The following COL7A1 variants were observed in gnomAD, a reference collection of about 807,000 sequenced individuals.
The protein encoded by COL7A1 is collagen alpha-1(VII) chain.
A neutral mutation model predicts 456.2 loss-of-function variants in COL7A1; 296 were observed. That is an observed-to-expected ratio of 0.65 (90% CI 0.59 to 0.71). The LOEUF is 0.71. Among genes scored for constraint, COL7A1 ranks in the 30% least tolerant of loss-of-function variants. The pLI is 0.00. For missense variants in COL7A1, 3,441 were observed against 4,017.2 expected, an observed-to-expected ratio of 0.86 and a Z score of 3.88; for synonymous variants, 1,464 against 1,525.9, an observed-to-expected ratio of 0.96 and a Z score of 0.95.
chr3:48,590,898 AGAGT>A lies in COL7A1; in HGVS notation c.1637-86_1637-83del. On this transcript the variant is annotated intron_variant, in intron 13 of 118. Transcript: ENST00000681320. This position sits in a 1 kb window ranked among gnomAD's most constrained non-coding sequence, Gnocchi z 4.6. ...CGATGGCAGTGATGGACAGGGACGC[AGAGT>A]GAGAAGGGCCATGGGGGTGGGGATG... 1.8e-6 allele frequency: 2 copies of A among 1,088,308 alleles called. No individual in the cohort carries two copies. Among genetic ancestry groups the A allele is most frequent in the Non-Finnish European group, 2.6e-6 (2 of 765,876 alleles). 67.4% of individuals were successfully genotyped at this position (1,088,308 alleles called of 1,614,324 possible).
Position 48,568,609 on chromosome 3 carries a change from C to G in COL7A1, c.7759-75G>C. On this transcript the variant is annotated intron_variant, in intron 104 of 118. Transcript: ENST00000681320. The surrounding 1 kb of genome is among the most constrained non-coding windows in gnomAD (Gnocchi z 5.2). ...CTGGCCCATCCGCTGCATGTGTGGC[C>G]ACTCAGATGCTCAGCGGCCAGGGCC... The G allele has an allele frequency of 6.5e-6, 10 of 1,537,636 alleles. No individual in the cohort carries two copies. Among genetic ancestry groups the G allele is most frequent in the Non-Finnish European group, 8.0e-6 (9 of 1,128,964 alleles).
In COL7A1 at chr3:48,588,848, G is replaced by A. The variant is rs778845814; in HGVS notation, c.2440+22C>T. 6.2e-6 allele frequency: 10 copies of A among 1,613,482 alleles called. No homozygotes were observed. Among genetic ancestry groups the A allele is most frequent in the Non-Finnish European group, 8.5e-6 (10 of 1,180,042 alleles). ...GAGCAGTCCCAGCCAGGAAGGACAGGGGTGGCGTCAGGGAGCCATACCTTC... is the reference window on the plus strand; with the variant it reads ...GAGCAGTCCCAGCCAGGAAGGACAGAGGTGGCGTCAGGGAGCCATACCTTC... On this transcript the variant is annotated intron_variant, in intron 19 of 118. Transcript: ENST00000681320. The surrounding 1 kb of genome is among the most constrained non-coding windows in gnomAD (Gnocchi z 4.6).
chr3:48,570,727 G>T lies in COL7A1; in HGVS notation c.7273-17C>A. The stretch of plus-strand genomic sequence containing the variant: ...TGCCAGACCCTACCAGAAAAATGGG[G>T]CAAGAGAGGCAGAGAGTGACTTGGG... On this transcript the variant is annotated splice_polypyrimidine_tract_variant and intron_variant, in intron 95 of 118. Transcript: ENST00000681320. The surrounding 1 kb of genome is among the most constrained non-coding windows in gnomAD (Gnocchi z 5.5). 1 of 1,567,630 alleles carries T rather than the reference G, an allele frequency of 6.4e-7. No homozygotes were observed. The highest frequency in any genetic ancestry group is 8.7e-7 in the Non-Finnish European group (1 of 1,155,230).
At chr3:48,584,192 G>T in intron 37 of COL7A1, 106 bp downstream of exon 37, 1 of 1,556,424 alleles carries the variant, frequency 6.4e-7, no homozygotes, top group Non-Finnish European at 8.8e-7. Context: ...TGGTGAGGAT[G>T]GGGGTAATCA....
rs373084149 is a variant in COL7A1, at chr3:48,581,570, C to T, written c.4782+3G>A. 4.3e-6 allele frequency: 7 copies of T among 1,613,966 alleles called. No homozygotes were observed. The highest frequency in any genetic ancestry group is 1.7e-5 in the Admixed American group (1 of 59,998). ...CACACTCCCCATTCCCACATTGATT[C>T]ACCCGGTCTCCAGGGTCTCCCTTGG... On this transcript the variant is annotated splice_donor_region_variant and intron_variant, in intron 50 of 118. Coordinates refer to ENST00000681320, the MANE Select transcript of COL7A1 (RefSeq NM_000094.4). This position sits in a 1 kb window ranked among gnomAD's most constrained non-coding sequence, Gnocchi z 5.8.
Position 48,564,803 on chromosome 3 carries a change from A to AC in COL7A1, c.8797dup (p.Val2933GlyfsTer17). 6.2e-7 allele frequency: 1 copy of AC among 1,613,786 alleles called. No individual in the cohort carries two copies. The highest frequency in any genetic ancestry group is 8.5e-7 in the Non-Finnish European group (1 of 1,179,942). On this transcript the variant is annotated frameshift_variant, in exon 118 of 119. Transcript: ENST00000681320. LOFTEE classifies it high-confidence loss of function. This position sits in a 1 kb window ranked among gnomAD's most constrained non-coding sequence, Gnocchi z 6.0. Reference sequence around the variant, plus strand: ...CATACCTGTCCCCTGGCTCTGGACCACCCGGGGTGGGCAGCGGCGCTCGCA... The same window carrying AC: ...CATACCTGTCCCCTGGCTCTGGACCACCCCGGGGTGGGCAGCGGCGCTCGCA...
chr3:48,581,983 G>A lies in COL7A1; in HGVS notation c.4636-40C>T. ...GACAGATACAGCTTGGCCCTGCCTT[G>A]GGGTTGTATGATCAAAGTCTTCATT... On this transcript the variant is annotated intron_variant, in intron 47 of 118. Coordinates refer to ENST00000681320, the MANE Select transcript of COL7A1 (RefSeq NM_000094.4). This position sits in a 1 kb window ranked among gnomAD's most constrained non-coding sequence, Gnocchi z 5.8. 2 of 1,613,754 alleles carry A rather than the reference G, an allele frequency of 1.2e-6. No individual in the cohort carries two copies. Among genetic ancestry groups the A allele is most frequent in the Non-Finnish European group, 1.7e-6 (2 of 1,179,876 alleles).
In COL7A1 at chr3:48,583,476, G is replaced by A. The variant is rs1474595584; in HGVS notation, c.4402-48C>T. ...TTCAGAGATTTGGGTTTGGGCATGA[G>A]GATGGAGCAGTGGTTGATGATTGAG... On this transcript the variant is annotated intron_variant, in intron 41 of 118. Coordinates refer to ENST00000681320, the MANE Select transcript of COL7A1 (RefSeq NM_000094.4). The surrounding 1 kb of genome is among the most constrained non-coding windows in gnomAD (Gnocchi z 5.1). 6.2e-7 allele frequency: 1 copy of A among 1,613,924 alleles called. No individual in the cohort carries two copies. Among genetic ancestry groups the A allele is most frequent in the Non-Finnish European group, 8.5e-7 (1 of 1,179,970 alleles).
At position 48,582,626 on chromosome 3, in the gene COL7A1, C is replaced by T. The variant is rs758941226; in HGVS notation, c.4546G>A (p.Gly1516Arg). ...AGACTCACTTCAGGACCCTTGGCTC[C>T]AGGACGTCCAGCAACCCCTGGCAGC... Reference protein sequence around the residue: ...RGLPGVAGRPGAKGPEGPPGP... With the variant: ...RGLPGVAGRPRAKGPEGPPGP... The change falls in exon 45 of 119, where the codon GGA becomes AGA. Residue 1516 changes from glycine (G) to arginine (R), a missense_variant. Gly to Arg is a moderately radical substitution (Grantham distance 125). Transcript: ENST00000681320. 1 of 1,613,546 alleles carries T rather than the reference C, an allele frequency of 6.2e-7. No individual in the cohort carries two copies. Among genetic ancestry groups the T allele is most frequent in the South Asian group, 1.1e-5 (1 of 90,978 alleles).
chr3:48,564,533 C>A lies in COL7A1; in HGVS notation c.8819-111G>T. The A allele has an allele frequency of 7.4e-7, 1 of 1,355,638 alleles. No homozygotes were observed. Among genetic ancestry groups the A allele is most frequent in the Non-Finnish European group, 1.0e-6 (1 of 962,378 alleles). 84.0% of individuals were successfully genotyped at this position (1,355,638 alleles called of 1,614,324 possible). A position where few individuals can be genotyped will look rare whatever the true frequency, so the allele number is the denominator to read the frequency against. ...CGGAGGCTACAACAGGAAGTGGGGG[C>A]TCTGACCTCAGAGGGGTCCATACTT... is the stretch of plus-strand genomic sequence containing the variant. On this transcript the variant is annotated intron_variant, in intron 118 of 118. Coordinates refer to ENST00000681320, the MANE Select transcript of COL7A1 (RefSeq NM_000094.4). The surrounding 1 kb of genome is among the most constrained non-coding windows in gnomAD (Gnocchi z 6.0).
At position 48,582,617 on chromosome 3, in the gene COL7A1, C is replaced by T. The variant is rs1560237346; in HGVS notation, c.4555G>A (p.Gly1519Ser). 1.9e-6 allele frequency: 3 copies of T among 1,613,598 alleles called. No homozygotes were observed. Among genetic ancestry groups the T allele is most frequent in the Non-Finnish European group, 2.5e-6 (3 of 1,180,022 alleles). Residue 1519 changes from glycine to serine, a missense_variant, in exon 45 of 119, where the codon GGT (glycine) becomes AGT (serine). Around this residue, in one of 3 missense-constraint regions of COL7A1, gnomAD observed 2,084 missense variants for 2,501.3 expected, o/e 0.83. Transcript: ENST00000681320. The stretch of plus-strand genomic sequence containing the variant: ...CACAGTCACAGACTCACTTCAGGAC[C>T]CTTGGCTCCAGGACGTCCAGCAACC... ...PGVAGRPGAK[G>S]PEGPPGPTGR...
Position 48,575,900 on chromosome 3 carries a change from A to T in COL7A1, c.5823T>A (p.Asn1941Lys), listed in dbSNP as rs1030846615. Reference sequence around the variant, plus strand: ...CAGCAGTTTCCAGCAACCGATCCACATTCTGGGGACAAAGTCTGGGTGAAG... The same window carrying T: ...CAGCAGTTTCCAGCAACCGATCCACTTTCTGGGGACAAAGTCTGGGTGAAG... ...GLRGEPGSVP[N>K]VDRLLETAGI... The change falls in exon 72 of 119, where the codon AAT becomes AAA. Residue 1941 changes from asparagine to lysine, a missense_variant and splice_region_variant. By Grantham distance (94) the Asn-to-Lys change is moderately conservative (BLOSUM62 0). Around this residue, in one of 3 missense-constraint regions of COL7A1, gnomAD observed 2,084 missense variants for 2,501.3 expected, o/e 0.83. Transcript: ENST00000681320. The surrounding 1 kb of genome is among the most constrained non-coding windows in gnomAD (Gnocchi z 6.3). The T allele has an allele frequency of 6.2e-7, 1 of 1,614,066 alleles. No homozygotes were observed.
Position 48,579,317 on chromosome 3 carries a change from G to T in COL7A1, c.5308-40C>A. On this transcript the variant is annotated intron_variant, in intron 61 of 118. Coordinates refer to ENST00000681320, the MANE Select transcript of COL7A1 (RefSeq NM_000094.4). This position sits in a 1 kb window ranked among gnomAD's most constrained non-coding sequence, Gnocchi z 4.4. ...GTGGTAAGAGGCCACCAAGGCTGAGGTGGATCTGATAACCCAGGCTCATGT... is the reference window on the plus strand; with the variant it reads ...GTGGTAAGAGGCCACCAAGGCTGAGTTGGATCTGATAACCCAGGCTCATGT... The T allele has an allele frequency of 1.2e-6, 2 of 1,614,126 alleles. No individual in the cohort carries two copies. Among genetic ancestry groups the T allele is most frequent in the Non-Finnish European group, 1.7e-6 (2 of 1,180,008 alleles).
At position 48,574,110 on chromosome 3, in the gene COL7A1, C is replaced by A; in HGVS notation, c.6501+152G>T. 8.7e-7 allele frequency: 1 copy of A among 1,142,990 alleles called. No homozygotes were observed. 70.8% of individuals were successfully genotyped at this position (1,142,990 alleles called of 1,614,324 possible). A position where few individuals can be genotyped will look rare whatever the true frequency, so the allele number is the denominator to read the frequency against. On this transcript the variant is annotated intron_variant, in intron 80 of 118. Coordinates refer to ENST00000681320, the MANE Select transcript of COL7A1 (RefSeq NM_000094.4). This position sits in a 1 kb window ranked among gnomAD's most constrained non-coding sequence, Gnocchi z 5.0. ...AGACACAGGCACACACAGGCACACA[C>A]AGACACAGGCACACACAAGCAGGCA...
Position 48,571,181 on chromosome 3 carries a change from G to A in COL7A1, c.7105-21C>T, listed in dbSNP as rs757338790. 39 of 1,613,920 alleles carry A rather than the reference G, an allele frequency of 2.4e-5. No individual in the cohort carries two copies. Among genetic ancestry groups the A allele is most frequent in the South Asian group, 3.3e-5 (3 of 91,090 alleles). Reference sequence around the variant, plus strand: ...TCACCCTTTGAGGAAAAGAGGCATCGGATCAAGCTCAGGGAGTCTCACGAC... The same window carrying A: ...TCACCCTTTGAGGAAAAGAGGCATCAGATCAAGCTCAGGGAGTCTCACGAC... On this transcript the variant is annotated intron_variant, in intron 93 of 118. Coordinates refer to ENST00000681320, the MANE Select transcript of COL7A1 (RefSeq NM_000094.4). This position sits in a 1 kb window ranked among gnomAD's most constrained non-coding sequence, Gnocchi z 4.6.
Position 48,590,787 on chromosome 3 carries a change from TCCCAGGAAGCACCAGGG to T in COL7A1, c.1649_1665del (p.Thr550LysfsTer9). On this transcript the variant is annotated frameshift_variant, in exon 14 of 119. Coordinates refer to ENST00000681320, the MANE Select transcript of COL7A1 (RefSeq NM_000094.4). LOFTEE classifies it high-confidence loss of function. The surrounding 1 kb of genome is among the most constrained non-coding windows in gnomAD (Gnocchi z 4.6). ...TCATCCAAGTCGAATGCTGTCTGAC[TCCCAGGAAGCACCAGGG>T]TCCGCTCAACCCCTAAGAGAGAAGT... The T allele has an allele frequency of 1.2e-6, 2 of 1,613,698 alleles. No homozygotes were observed. The highest frequency in any genetic ancestry group is 1.7e-6 in the Non-Finnish European group (2 of 1,180,010).
chr3:48,579,082 C>A lies in COL7A1; in HGVS notation c.5388+115G>T. 1 of 1,549,664 alleles carries A rather than the reference C, an allele frequency of 6.5e-7. No homozygotes were observed. Among genetic ancestry groups the A allele is most frequent in the Non-Finnish European group, 8.9e-7 (1 of 1,123,836 alleles). On this transcript the variant is annotated intron_variant, in intron 62 of 118. Coordinates refer to ENST00000681320, the MANE Select transcript of COL7A1 (RefSeq NM_000094.4). The surrounding 1 kb of genome is among the most constrained non-coding windows in gnomAD (Gnocchi z 4.4). ...GGGCTCTGGGAGAAGACACAGACAA[C>A]AGGTCTCGCCCCAGAGCTCGTCAAG...
chr3:48,594,638 G>A lies in COL7A1; in HGVS notation c.86-90C>T. ...GGCCTCACTGGGACTTGGGATGGTGGGGAGAGTAGGCCTCATCTTATGCAA... is the reference window on the plus strand; with the variant it reads ...GGCCTCACTGGGACTTGGGATGGTGAGGAGAGTAGGCCTCATCTTATGCAA... On this transcript the variant is annotated intron_variant, in intron 2 of 118. Coordinates refer to ENST00000681320, the MANE Select transcript of COL7A1 (RefSeq NM_000094.4). This position sits in a 1 kb window ranked among gnomAD's most constrained non-coding sequence, Gnocchi z 5.5. 2 of 1,432,614 alleles carry A rather than the reference G, an allele frequency of 1.4e-6. No individual in the cohort carries two copies. The highest frequency in any genetic ancestry group is 1.9e-6 in the Non-Finnish European group (2 of 1,056,024). The allele number at this position is 1,432,614 out of a possible 1,614,324, so 88.7% of individuals were successfully genotyped here.
At position 48,592,605 on chromosome 3, in the gene COL7A1, C is replaced by A. The variant is rs1025287667; in HGVS notation, c.941G>T (p.Ser314Ile). ...TGTCCCGCTCACAGCCTCCCCGATG[C>A]TGTTGGCGTAGAGGGCAATCACAGT... ...QVTVIALYAN[S>I]IGEAVSGTAR... The change falls in exon 8 of 119, where the codon AGC becomes ATC. Residue 314 changes from serine to isoleucine, a missense_variant. Coordinates refer to ENST00000681320, the MANE Select transcript of COL7A1 (RefSeq NM_000094.4). The surrounding 1 kb of genome is among the most constrained non-coding windows in gnomAD (Gnocchi z 7.6). 3 of 1,614,058 alleles carry A rather than the reference C, an allele frequency of 1.9e-6. No homozygotes were observed. The highest frequency in any genetic ancestry group is 2.5e-6 in the Non-Finnish European group (3 of 1,180,042).
Sources: allele counts gnomAD v4.1 joint callset, GRCh38; gene constraint gnomAD v4.1.1; regional missense constraint gnomAD v4.1.1; non-coding constraint Gnocchi (gnomAD v3.1); transcripts MANE v1.5; gene names NCBI Gene and HGNC (gene_info 2026-07-23, HGNC 2026-07-21).